The following ASIC2 variants were observed in gnomAD, a reference collection of about 807,000 sequenced individuals.
ASIC2 encodes acid sensing ion channel subunit 2.
ASIC2 carries 25 observed loss-of-function variants against 57.3 expected under a neutral mutation model. The ratio of observed to expected loss-of-function variants is 0.44; its 90% CI spans 0.32 to 0.61. ASIC2 has a LOEUF of 0.61. Among genes scored for constraint, ASIC2 ranks in the 20% least tolerant of loss-of-function variants. The pLI is 0.06. For synonymous variants in ASIC2, 319 were observed against 307.5 expected, an observed-to-expected ratio of 1.04 and a Z score of -0.39; for missense variants, 641 against 738.1, an observed-to-expected ratio of 0.87 and a Z score of 1.52.
At chr17:33,211,180 C>T (rs1467100633) in intron 1 of ASIC2, among the ~76,000 whole-genome samples, 1 of 151,968 alleles carries the variant, frequency 6.6e-6, no homozygotes, top group Non-Finnish European at 1.5e-5. Context: ...AGTGTGTGGC[C>T]CTTCCACGGA....
At chr17:33,833,534 A>G (rs1181098561) in intron 1 of ASIC2, among the ~76,000 whole-genome samples, 2 of 150,898 alleles carry the variant, frequency 1.3e-5, no homozygotes, top group Non-Finnish European at 3.0e-5. Flanking sequence ...GTGTGTACCT[A>G]TGTGTTTGTG....
At chr17:33,426,051 C>T (rs1197793948) in intron 1 of ASIC2, among the ~76,000 whole-genome samples, 1 of 152,110 alleles carries the variant, frequency 6.6e-6, no homozygotes, top group East Asian at 1.9e-4. Context: ...CTTCAACCTG[C>T]CACTCAGCCA....
At chr17:33,837,654 G>T (rs2141905569) in intron 1 of ASIC2, among the ~76,000 whole-genome samples, 1 of 152,190 alleles carries the variant, frequency 6.6e-6, no homozygotes, top group East Asian at 1.9e-4. Flanking sequence ...GTAGTCTATT[G>T]TCTGCCTCCA....
chr17:33,376,975 T>C (rs866011513), intron 1 of ASIC2, among the ~76,000 whole-genome samples: 10 of 152,342 alleles, frequency 6.6e-5, no homozygotes, highest in African/African-American at 1.9e-4. Flanking sequence ...AGAGGCTAAG[T>C]AATTCATTCA....
At chr17:33,865,890 A>T (rs1234674892) in intron 1 of ASIC2, among the ~76,000 whole-genome samples, 2 of 152,080 alleles carry the variant, frequency 1.3e-5, no homozygotes, top group Non-Finnish European at 2.9e-5. Flanking sequence ...ACCAAGACAT[A>T]CTTTCTATTA....
chr17:33,221,704 T>C (rs1442424073), intron 1 of ASIC2, among the ~76,000 whole-genome samples: 1 of 152,242 alleles, frequency 6.6e-6, no homozygotes, highest in African/African-American at 2.4e-5. Flanking sequence ...AATAATTTAA[T>C]TTTTGTTTGA....
At chr17:33,853,338 C>T (rs2141917443) in intron 1 of ASIC2, among the ~76,000 whole-genome samples, 1 of 152,276 alleles carries the variant, frequency 6.6e-6, no homozygotes, top group Non-Finnish European at 1.5e-5. Context: ...GCTCACCCGG[C>T]CTGGCAGGGG....
At chr17:33,855,348 T>C (rs1248002567) in intron 1 of ASIC2, among the ~76,000 whole-genome samples, 1 of 152,192 alleles carries the variant, frequency 6.6e-6, no homozygotes, top group Non-Finnish European at 1.5e-5. Flanking sequence ...TTGGACGCAA[T>C]TCTTGGTTCT....
intron 1 of ASIC2, among the ~76,000 whole-genome samples, chr17:33,535,976 C>T (rs1375471857): frequency 1.3e-5 from 2 of 152,190 alleles, no homozygotes; most frequent in Non-Finnish European, 2.9e-5. Context: ...CTGACTAATA[C>T]AGAAGAGTCT....
chr17:33,192,600 A>T (rs1469133091), intron 1 of ASIC2, among the ~76,000 whole-genome samples: 7 of 152,198 alleles, frequency 4.6e-5, no homozygotes, highest in Non-Finnish European at 1.0e-4. Flanking sequence ...AACGTCAGCC[A>T]TTCACCAATT....
chr17:33,489,822 A>G (rs1245412731), intron 1 of ASIC2, among the ~76,000 whole-genome samples: 1 of 152,206 alleles, frequency 6.6e-6, no homozygotes, highest in Non-Finnish European at 1.5e-5. Flanking sequence ...CATGTCTGGG[A>G]CATGGGAATT....
At chr17:33,246,619 C>T (rs1336064161) in intron 1 of ASIC2, among the ~76,000 whole-genome samples, 1 of 152,200 alleles carries the variant, frequency 6.6e-6, no homozygotes, top group African/African-American at 2.4e-5. Flanking sequence ...ATAAGGAATC[C>T]CTCCTGAGCT....
At chr17:33,035,498 T>C (rs1410293874) in intron 3 of ASIC2, among the ~76,000 whole-genome samples, 11 of 152,238 alleles carry the variant, frequency 7.2e-5, no homozygotes, top group Admixed American at 7.2e-4. Context: ...AAATTAATGG[T>C]GAACTACTTT....
chr17:33,604,596 T>C (rs574260832), intron 1 of ASIC2, among the ~76,000 whole-genome samples: 1 of 152,222 alleles, frequency 6.6e-6, no homozygotes, highest in East Asian at 1.9e-4. Context: ...TGACAGGGCA[T>C]TCCACCTGAG....
At chr17:33,565,423 T>C (rs1359189131) in intron 1 of ASIC2, among the ~76,000 whole-genome samples, 4 of 152,208 alleles carry the variant, frequency 2.6e-5, no homozygotes, top group Non-Finnish European at 5.9e-5. Context: ...TCTGCCTCCA[T>C]ATCTGTGCAC....
At chr17:33,907,301 G>A (rs1915370387) in intron 1 of ASIC2, among the ~76,000 whole-genome samples, 2 of 152,226 alleles carry the variant, frequency 1.3e-5, no homozygotes, top group South Asian at 2.1e-4. Flanking sequence ...CCTGATGGGA[G>A]TGGGATGTCT....
intron 1 of ASIC2, among the ~76,000 whole-genome samples, chr17:33,579,070 G>A (rs935828197): frequency 2.6e-5 from 4 of 151,934 alleles, no homozygotes; most frequent in African/African-American, 7.3e-5. Context: ...TGGATCACTT[G>A]AGGTCAGGGA....
chr17:33,732,768 G>T (rs1327845386), intron 1 of ASIC2, among the ~76,000 whole-genome samples: 2 of 152,252 alleles, frequency 1.3e-5, no homozygotes, highest in South Asian at 4.2e-4. Context: ...CTTCTGAGTA[G>T]CTGGGACTAC....
intron 1 of ASIC2, among the ~76,000 whole-genome samples, chr17:33,451,576 A>G (rs1334156631): frequency 1.3e-5 from 2 of 152,152 alleles, no homozygotes; most frequent in East Asian, 1.9e-4. Flanking sequence ...CACAAAACCA[A>G]CTATCCAGTC....
Sources: allele counts gnomAD v4.1 joint callset (sites outside exome capture counted in the v4.1 genomes callset), GRCh38; gene constraint gnomAD v4.1.1; transcripts MANE v1.5; gene names NCBI Gene and HGNC (gene_info 2026-07-23, HGNC 2026-07-21).